Variants in ATF3 observed in about 807,000 individuals in gnomAD.
The protein encoded by ATF3 is cyclic AMP-dependent transcription factor ATF-3.
Under a neutral mutation model 18.4 loss-of-function variants are expected in ATF3, and 10 were observed. The ratio of observed to expected loss-of-function variants is 0.54; its 90% confidence interval spans 0.34 to 0.92. ATF3 has a LOEUF of 0.92. ATF3 is among the 40% of genes least tolerant of loss of function. ATF3 has a pLI of 0.02. For synonymous variants in ATF3, 78 were observed against 87.9 expected (o/e 0.89, Z 0.63); for missense variants, 183 against 222.3 (o/e 0.82, Z 1.12).
In ATF3 at chr1:212,575,387, T is replaced by C. The variant is rs113477750; in HGVS notation, c.-5+9904T>C. On this transcript the variant is annotated intron_variant, in intron 1 of 3. Coordinates refer to the ATF3 transcript ENST00000366981. ...AATGCTATTGATTTTTGCATGTTTTTTGTATCTAGCAACCTTTGCTGGACA... is the reference window on the plus strand; with the variant it reads ...AATGCTATTGATTTTTGCATGTTTTCTGTATCTAGCAACCTTTGCTGGACA... Among the ~76,000 whole-genome samples the C allele has an allele frequency of 1.3e-3, 193 of 152,280 alleles. 1 individual carries two copies. Among genetic ancestry groups the C allele is most frequent in the African/African-American group, 4.4e-3 (185 of 41,586 alleles).
At chr1:212,612,088 T>G (rs970348421) in intron 1 of ATF3, among the ~76,000 whole-genome samples, 1 of 152,222 alleles carries the variant, frequency 6.6e-6, no homozygotes, top group Admixed American at 6.5e-5. Context: ...CTAGAAAGTA[T>G]CCCGAGAAGT....
intron 1 of ATF3, among the ~76,000 whole-genome samples, chr1:212,576,200 ATTAT>A (rs1407977862): frequency 6.6e-6 from 1 of 151,942 alleles, no homozygotes; most frequent in Non-Finnish European, 1.5e-5. Flanking sequence ...TTTCTTGAAA[ATTAT>A]TTATTTTTCC....
chr1:212,593,660 G>A (rs1341131586), intron 1 of ATF3, among the ~76,000 whole-genome samples: 3 of 148,880 alleles, frequency 2.0e-5, no homozygotes, highest in Non-Finnish European at 4.4e-5. Context: ...AGGATCACTT[G>A]AGCCCAGGGG....
chr1:212,614,602 A>AG (rs59498260), intron 1 of ATF3, among the ~76,000 whole-genome samples: 15,666 of 146,838 alleles, frequency 0.11, 996 homozygotes, highest in East Asian at 0.23. Flanking sequence ...AAAAAAAAAA[A>AG]AGAGAGAGAG....
Position 212,619,470 on chromosome 1 carries a change from T to C in ATF3, c.461T>C (p.Ile154Thr). 6.2e-7 allele frequency: 1 copy of C among 1,614,172 alleles called. No individual in the cohort carries two copies. Among genetic ancestry groups the C allele is most frequent in the Non-Finnish European group, 8.5e-7 (1 of 1,180,020 alleles). The change falls in exon 4 of 4, where the codon ATT becomes ACT. Residue 154 changes from isoleucine (I) to threonine (T), a missense_variant. By Grantham distance (89) the Ile-to-Thr change is moderately conservative (BLOSUM62 -1). Coordinates refer to ENST00000341491, the MANE Select transcript of ATF3 (RefSeq NM_001674.4). The surrounding 1 kb of genome is among the most constrained non-coding windows in gnomAD (Gnocchi z 4.4). ...YMLNLHRPTC[I>T]VRAQNGRTPE... The stretch of plus-strand genomic sequence containing the variant: ...CTCAACCTTCATCGGCCCACGTGTA[T>C]TGTCCGGGCTCAGAATGGGAGGACT...
rs1655224653 is a variant in ATF3, at chr1:212,618,364, T to C, written c.348+130T>C. 3.2e-6 allele frequency: 3 copies of C among 923,834 alleles called. No individual in the cohort carries two copies. Among genetic ancestry groups the C allele is most frequent in the Non-Finnish European group, 5.4e-6 (3 of 559,710 alleles). 57.2% of individuals were successfully genotyped at this position (923,834 alleles called of 1,614,324 possible). A position where few individuals can be genotyped will look rare whatever the true frequency, so the allele number is the denominator to read the frequency against. ...TTCCCAAGAAGGGCCTTGTAGCTGGTAGCAGAAATGCCAGTTGCAGAATGA... is the reference window on the plus strand; with the variant it reads ...TTCCCAAGAAGGGCCTTGTAGCTGGCAGCAGAAATGCCAGTTGCAGAATGA... On this transcript the variant is annotated intron_variant, in intron 3 of 3. Transcript: ENST00000341491. This position sits in a 1 kb window ranked among gnomAD's most constrained non-coding sequence, Gnocchi z 4.4.
At chr1:212,588,269 C>T (rs781690845) in intron 1 of ATF3, among the ~76,000 whole-genome samples, 1 of 152,112 alleles carries the variant, frequency 6.6e-6, no homozygotes, top group Non-Finnish European at 1.5e-5. Context: ...CTCCACTCCC[C>T]ACCCTGCTCA....
rs546133292 is a variant in ATF3, at chr1:212,615,211, T to C, written c.190T>C (p.Ser64Pro). Reference sequence around the variant, plus strand: ...CCACCGGATGTCCTCTGCGCTGGAATCAGTCACTGTCAGCGACAGACCCCT... The same window carrying C: ...CCACCGGATGTCCTCTGCGCTGGAACCAGTCACTGTCAGCGACAGACCCCT... ...LCHRMSSALE[S>P]VTVSDRPLGV... The change falls in exon 2 of 4, where the codon TCA (serine) becomes CCA (proline). Residue 64 changes from serine (S) to proline (P), a missense_variant. Ser to Pro is a moderately conservative substitution (Grantham distance 74). Coordinates refer to ENST00000341491, the MANE Select transcript of ATF3 (RefSeq NM_001674.4). The C allele has an allele frequency of 1.9e-6, 3 of 1,614,202 alleles. No homozygotes were observed. Among genetic ancestry groups the C allele is most frequent in the Admixed American group, 3.3e-5 (2 of 60,020 alleles).
intron 1 of ATF3, among the ~76,000 whole-genome samples, chr1:212,567,119 G>A (rs190578603): frequency 6.6e-6 from 1 of 151,908 alleles, no homozygotes; most frequent in East Asian, 1.9e-4. Flanking sequence ...TTCTCTTCCC[G>A]CCCACAGAAA....
chr1:212,606,460 T>C (rs1010616738), upstream of ATF3, among the ~76,000 whole-genome samples: 8 of 152,222 alleles, frequency 5.3e-5, no homozygotes, highest in Non-Finnish European at 1.0e-4. Context: ...GACCGGGGTG[T>C]TGGGGGCTTC....
At chr1:212,606,701 CA>C (rs1258684514), upstream of ATF3, among the ~76,000 whole-genome samples, 2 of 152,254 alleles carry the variant, frequency 1.3e-5, no homozygotes, top group Non-Finnish European at 2.9e-5. Context: ...CTCCTTGCTT[CA>C]CTTTATAATG....
chr1:212,593,558 G>A (rs12096612), intron 1 of ATF3, among the ~76,000 whole-genome samples: 40,875 of 151,582 alleles, frequency 0.27, 6,124 homozygotes, highest in African/African-American at 0.41. Flanking sequence ...ACCAAAGTGA[G>A]ATCATCTGTA....
intron 1 of ATF3, among the ~76,000 whole-genome samples, chr1:212,609,574 G>A (rs1654805083): frequency 1.3e-5 from 2 of 152,218 alleles, no homozygotes; most frequent in Non-Finnish European, 1.5e-5. Context: ...GCTGGGATAA[G>A]CTTGGAAGTG....
intron 1 of ATF3, among the ~76,000 whole-genome samples, chr1:212,592,676 T>C (rs12045087): frequency 0.27 from 40,889 of 151,776 alleles, 6,123 homozygotes; most frequent in African/African-American, 0.41. Context: ...CAAAAACAAA[T>C]GGTCAGATCT....
chr1:212,600,333 C>A (rs1654445567), intron 1 of ATF3, among the ~76,000 whole-genome samples: 1 of 152,262 alleles, frequency 6.6e-6, no homozygotes, highest in Non-Finnish European at 1.5e-5. Flanking sequence ...TCTTCAAAGG[C>A]TATCACAGTC....
chr1:212,597,465 T>A (rs1571773995), intron 1 of ATF3, among the ~76,000 whole-genome samples: 1 of 147,198 alleles, frequency 6.8e-6, no homozygotes, highest in African/African-American at 2.5e-5. Context: ...TATCTCTCTA[T>A]CTAGCTAGCT....
At chr1:212,600,889 GTA>G (rs1422216986) in intron 1 of ATF3, among the ~76,000 whole-genome samples, 1 of 151,944 alleles carries the variant, frequency 6.6e-6, no homozygotes, top group Non-Finnish European at 1.5e-5. Context: ...TATATATATA[GTA>G]TATATATAAA....
upstream of ATF3, among the ~76,000 whole-genome samples, chr1:212,604,900 G>T (rs1438144446): frequency 2.0e-5 from 3 of 152,234 alleles, no homozygotes; most frequent in Non-Finnish European, 2.9e-5. Flanking sequence ...AGCCCCAGGT[G>T]TGTGGTGGAG....
At chr1:212,580,586 G>A (rs906752566) in intron 1 of ATF3, among the ~76,000 whole-genome samples, 1 of 152,058 alleles carries the variant, frequency 6.6e-6, no homozygotes, top group Non-Finnish European at 1.5e-5. Flanking sequence ...GATTACAGGC[G>A]TGAACCACCA....
Sources: gnomAD v4.1 joint callset for allele counts (sites outside exome capture counted in the v4.1 genomes callset) on GRCh38, gnomAD v4.1.1 for gene constraint, Gnocchi (gnomAD v3.1) non-coding constraint, MANE v1.5 for transcripts, NCBI Gene and HGNC (gene_info 2026-07-23, HGNC 2026-07-21) for gene names.